RGS3: variants seen among roughly 807,000 people sequenced by gnomAD.
The protein encoded by RGS3 is regulator of G protein signaling 3, also known as regulator of G-protein signalling 3.
RGS3 carries 80 observed loss-of-function variants against 132.6 expected under a neutral mutation model. The observed-to-expected ratio is 0.60, with a 90% confidence interval of 0.50 to 0.73. The LOEUF (loss-of-function observed/expected upper bound fraction) is 0.73, where lower values mean the gene tolerates loss of function less well. RGS3 is among the 30% of genes least tolerant of loss of function. The pLI, the probability that RGS3 is intolerant of heterozygous loss-of-function variation, is 0.00. For synonymous variants in RGS3, 598 were observed against 620.6 expected, an observed-to-expected ratio of 0.96 and a Z score of 0.54; for missense variants, 1,382 against 1,530.8, an observed-to-expected ratio of 0.90 and a Z score of 1.62.
intron 17 of RGS3, among the ~76,000 whole-genome samples, chr9:113,525,931 TTAAA>T (rs1832178218): frequency 6.6e-6 from 1 of 152,196 alleles, no homozygotes; most frequent in African/African-American, 2.4e-5. Context: ...TGGTAGTCAC[TTAAA>T]TCTTGTCTGG....
intron 19 of RGS3, among the ~76,000 whole-genome samples, chr9:113,552,093 G>T (rs1019638311): frequency 1.3e-5 from 2 of 151,790 alleles, no homozygotes; most frequent in Admixed American, 6.6e-5. Context: ...TTCACTCTAG[G>T]ATTATATAAT....
At chr9:113,588,897 G>T (rs149674919) in intron 20 of RGS3, among the ~76,000 whole-genome samples, 127 of 152,334 alleles carry the variant, frequency 8.3e-4, no homozygotes, top group Non-Finnish European at 1.3e-3. Context: ...GCTAATAAAT[G>T]ATTGAGCTAA....
chr9:113,485,668 G>C lies in RGS3; in HGVS notation c.664G>C (p.Val222Leu), dbSNP rs755872818. The change falls in exon 7 of 25, where the codon GTG becomes CTG. Residue 222 changes from valine to leucine, a missense_variant. Val to Leu is a conservative substitution (Grantham distance 32). Transcript: ENST00000350696. ...TGATCAGAAGCGTCTCTTGGTTACT[G>C]TGTGGAACAGGGCCAGCCAGTCCAG... 6.9e-6 allele frequency: 11 copies of C among 1,595,560 alleles called. No individual in the cohort carries two copies. The South Asian group carries it at 1.3e-4, about 18-fold the overall frequency.
chr9:113,588,846 CTG>C (rs1162354405), intron 20 of RGS3, among the ~76,000 whole-genome samples: 1 of 152,210 alleles, frequency 6.6e-6, no homozygotes, highest in Non-Finnish European at 1.5e-5. Context: ...AATAAGGAAA[CTG>C]AGGCACAGAG....
rs1287395947 is a variant in RGS3, at chr9:113,554,070, CAT to C, written c.2037+17153_2037+17154del. Among the ~76,000 whole-genome samples the C allele has an allele frequency of 7.9e-5, 12 of 152,356 alleles. No homozygotes were observed. The South Asian group carries it at 2.1e-3, about 26-fold the overall frequency. ...TAAAAAAGCTTTCCTTCTGTTTACA[CAT>C]GTCATCTCCCCAACACTATTGTTCT... On this transcript the variant is annotated intron_variant, in intron 19 of 24. Coordinates refer to ENST00000350696, the Ensembl canonical transcript of RGS3.
chr9:113,575,901 C>T (rs1281791503), intron 19 of RGS3, among the ~76,000 whole-genome samples: 1 of 152,146 alleles, frequency 6.6e-6, no homozygotes, highest in African/African-American at 2.4e-5. Context: ...CTTTAATGTG[C>T]AAATGAATCT....
intron 16 of RGS3, among the ~76,000 whole-genome samples, chr9:113,519,226 A>G (rs1190088047): frequency 1.3e-5 from 2 of 152,104 alleles, no homozygotes; most frequent in Non-Finnish European, 2.9e-5. Flanking sequence ...TTTCTGGCTC[A>G]GTGATGCTTT....
At chr9:113,558,252 C>A (rs1464394027) in intron 19 of RGS3, among the ~76,000 whole-genome samples, 2 of 152,216 alleles carry the variant, frequency 1.3e-5, no homozygotes, top group African/African-American at 4.8e-5. Context: ...CCTGTAATCC[C>A]AGCACTTTGG....
At chr9:113,555,653 G>C (rs1278891025) in intron 19 of RGS3, among the ~76,000 whole-genome samples, 1 of 152,034 alleles carries the variant, frequency 6.6e-6, no homozygotes, top group African/African-American at 2.4e-5. Context: ...TTTTAGTAGA[G>C]ACAGAGTTTC....
chr9:113,469,462 G>A (rs959286373), intron 3 of RGS3, among the ~76,000 whole-genome samples: 5 of 152,066 alleles, frequency 3.3e-5, no homozygotes, highest in African/African-American at 9.7e-5. Context: ...AAAGTTTCTG[G>A]CCCATAGATA....
At chr9:113,509,989 T>A (rs1831327655) in intron 14 of RGS3, among the ~76,000 whole-genome samples, 1 of 152,200 alleles carries the variant, frequency 6.6e-6, no homozygotes, top group African/African-American at 2.4e-5. Flanking sequence ...GGTATTTGGT[T>A]ACGTAAGATT....
intron 19 of RGS3, among the ~76,000 whole-genome samples, chr9:113,562,746 T>C (rs902441236): frequency 6.6e-6 from 1 of 152,204 alleles, no homozygotes. Context: ...TATGTACCTC[T>C]GAGAAGCACT....
At chr9:113,521,518 A>G (rs571895655) in intron 16 of RGS3, among the ~76,000 whole-genome samples, 1 of 152,160 alleles carries the variant, frequency 6.6e-6, no homozygotes, top group Non-Finnish European at 1.5e-5. Flanking sequence ...TATGCTAGAT[A>G]TTTTTGCACA....
At chr9:113,536,756 C>T in intron 18 of RGS3, 40 bp from the exon 17 acceptor site, 1 of 1,600,900 alleles carries the variant, frequency 6.2e-7, no homozygotes, top group Non-Finnish European at 8.5e-7. Context: ...AACCAGGGAG[C>T]AGCCCTGACC....
chr9:113,533,009 G>C (rs1832534466), intron 18 of RGS3, among the ~76,000 whole-genome samples: 1 of 152,226 alleles, frequency 6.6e-6, no homozygotes, highest in Admixed American at 6.5e-5. Context: ...AGCCTGACCA[G>C]GTGATGAGAC....
At chr9:113,577,470 A>G (rs556148989) in intron 19 of RGS3, among the ~76,000 whole-genome samples, 15 of 152,186 alleles carry the variant, frequency 9.9e-5, no homozygotes, top group Non-Finnish European at 2.1e-4. Context: ...ATGATGGCCA[A>G]TTCCCTGGTT....
chr9:113,500,373 G>A (rs1296426149), intron 10 of RGS3, among the ~76,000 whole-genome samples: 1 of 152,192 alleles, frequency 6.6e-6, no homozygotes, highest in Admixed American at 6.5e-5. Flanking sequence ...TGTCATCAAG[G>A]ACTTGAGTGT....
At chr9:113,572,608 T>C (rs562347075) in intron 19 of RGS3, among the ~76,000 whole-genome samples, 1 of 152,202 alleles carries the variant, frequency 6.6e-6, no homozygotes, top group African/African-American at 2.4e-5. Flanking sequence ...GGCAGACAGA[T>C]AAGGCAAGGG....
intron 3 of RGS3, among the ~76,000 whole-genome samples, chr9:113,469,427 G>T (rs932058817): frequency 6.6e-6 from 1 of 152,186 alleles, no homozygotes; most frequent in Non-Finnish European, 1.5e-5. Flanking sequence ...GAGTCCAACT[G>T]CTCAGGAGCT....
Sources: allele counts gnomAD v4.1 joint callset (sites outside exome capture counted in the v4.1 genomes callset), GRCh38; gene constraint gnomAD v4.1.1; transcripts MANE v1.5; gene names NCBI Gene and HGNC (gene_info 2026-07-23, HGNC 2026-07-21).